Variants in SEMA3A observed in about 807,000 individuals in gnomAD.
SEMA3A encodes the protein semaphorin-3A.
SEMA3A carries 29 observed loss-of-function variants against 97.9 expected under a neutral mutation model. The observed-to-expected ratio is 0.30, with a 90% CI of 0.22 to 0.40. The LOEUF is 0.40. Ranked by LOEUF, SEMA3A falls within the 10% of genes least tolerant of loss-of-function variation. SEMA3A has a pLI of 1.00. For synonymous variants in SEMA3A, 321 were observed against 323.7 expected, an observed-to-expected ratio of 0.99 and a Z score of 0.09; for missense variants, 763 against 951.3, an observed-to-expected ratio of 0.80 and a Z score of 2.60.
chr7:84,081,593 T>C (rs1484612202), intron 4 of SEMA3A, among the ~76,000 whole-genome samples: 2 of 97,242 alleles, frequency 2.1e-5, no homozygotes, highest in Non-Finnish European at 4.8e-5. Flanking sequence ...ACTCCGTCTC[T>C]TAAAAAAAAA....
intron 6 of SEMA3A, among the ~76,000 whole-genome samples, chr7:84,043,567 G>C (rs1792226940): frequency 6.6e-6 from 1 of 152,040 alleles, no homozygotes; most frequent in Non-Finnish European, 1.5e-5. Flanking sequence ...ACGTATGATT[G>C]TATAGTCTAT....
At chr7:84,157,293 A>G (rs1796873342) in intron 1 of SEMA3A, among the ~76,000 whole-genome samples, 1 of 152,084 alleles carries the variant, frequency 6.6e-6, no homozygotes, top group Admixed American at 6.5e-5. Flanking sequence ...GCTTTAAACC[A>G]TTTTTCCATG....
At chr7:84,424,710 A>AAT (rs199573104) in intron 1 of SEMA3A, among the ~76,000 whole-genome samples, 49,717 of 92,404 alleles carry the variant, frequency 0.54, 14,907 homozygotes, top group East Asian at 0.94. Context: ...ATCAATATAT[A>AAT]ATATATAAAT....
At chr7:84,109,796 TATA>T (rs1206193811) in intron 4 of SEMA3A, among the ~76,000 whole-genome samples, 1 of 152,230 alleles carries the variant, frequency 6.6e-6, no homozygotes, top group African/African-American at 2.4e-5. Flanking sequence ...CAAGAGGGTT[TATA>T]ATTGAAGGCT....
chr7:84,401,439 T>C (rs916996560), intron 1 of SEMA3A, among the ~76,000 whole-genome samples: 2 of 150,060 alleles, frequency 1.3e-5, no homozygotes, highest in Admixed American at 6.7e-5. Flanking sequence ...ATGCAGTCTA[T>C]AGATTCAATG....
chr7:84,164,872 G>T (rs994686241), intron 1 of SEMA3A, among the ~76,000 whole-genome samples: 40 of 152,154 alleles, frequency 2.6e-4, no homozygotes, highest in African/African-American at 8.2e-4. Context: ...ATTATATAAA[G>T]AGCTCACCAA....
In SEMA3A at chr7:84,483,765, T is replaced by C. The variant is rs570379290; in HGVS notation, c.-246+8695A>G. On this transcript the variant is annotated intron_variant, in intron 1 of 3. Transcript: ENST00000424555. ...CATACTAATTAAAAAAAAATCTGGGTCAGGCACAATGGCTCACGCCTGTAA... is the reference window on the plus strand; with the variant it reads ...CATACTAATTAAAAAAAAATCTGGGCCAGGCACAATGGCTCACGCCTGTAA... 2.0e-5 allele frequency among the ~76,000 whole-genome samples: 3 copies of C among 151,888 alleles called. No homozygotes were observed. In the South Asian group the frequency reaches 6.2e-4, roughly 32 times the overall value.
chr7:84,296,606 T>A (rs1357662380), intron 3 of SEMA3A, among the ~76,000 whole-genome samples: 5 of 152,150 alleles, frequency 3.3e-5, no homozygotes, highest in African/African-American at 7.2e-5. Context: ...ATTATAAAAC[T>A]GCAATTGATT....
chr7:84,328,623 C>G (rs140382077), intron 2 of SEMA3A, among the ~76,000 whole-genome samples: 2 of 151,964 alleles, frequency 1.3e-5, no homozygotes, highest in African/African-American at 4.8e-5. Flanking sequence ...TTTCGACAAC[C>G]TATGGTAAAT....
intron 1 of SEMA3A, among the ~76,000 whole-genome samples, chr7:84,459,434 A>G (rs1036111810): frequency 6.6e-6 from 1 of 152,222 alleles, no homozygotes; most frequent in Non-Finnish European, 1.5e-5. Context: ...AATTCCCTCT[A>G]AAGAACTTAA....
At chr7:83,994,070 C>T (rs1000476314) in intron 12 of SEMA3A, among the ~76,000 whole-genome samples, 26 of 150,790 alleles carry the variant, frequency 1.7e-4, no homozygotes, top group South Asian at 4.3e-4. Flanking sequence ...TTCATTTCAT[C>T]TTCCATCGCT....
intron 1 of SEMA3A, among the ~76,000 whole-genome samples, chr7:84,462,806 T>TATAG (rs1437403150): frequency 6.6e-6 from 1 of 151,942 alleles, no homozygotes; most frequent in Non-Finnish European, 1.5e-5. Flanking sequence ...TAGCTATAGC[T>TATAG]ATAGATAGAT....
intron 3 of SEMA3A, among the ~76,000 whole-genome samples, chr7:84,296,757 T>G (rs187929156): frequency 5.3e-5 from 8 of 152,288 alleles, no homozygotes; most frequent in African/African-American, 1.7e-4. Flanking sequence ...AATTTCACAT[T>G]GTGAGTAGCA....
At chr7:84,122,287 A>G (rs1394336815) in intron 3 of SEMA3A, among the ~76,000 whole-genome samples, 2 of 152,182 alleles carry the variant, frequency 1.3e-5, no homozygotes, top group African/African-American at 4.8e-5. Flanking sequence ...GACACTTCTC[A>G]AAAGAAGACG....
intron 1 of SEMA3A, among the ~76,000 whole-genome samples, chr7:84,428,182 T>C (rs1218232122): frequency 6.6e-6 from 1 of 152,104 alleles, no homozygotes; most frequent in Non-Finnish European, 1.5e-5. Flanking sequence ...TAGAAATCTG[T>C]AAGCTCATAG....
At chr7:84,170,196 A>T (rs1797341699) in intron 1 of SEMA3A, among the ~76,000 whole-genome samples, 1 of 151,940 alleles carries the variant, frequency 6.6e-6, no homozygotes, top group African/African-American at 2.4e-5. Context: ...ACAATGACTC[A>T]TTATCTTGTA....
chr7:84,204,546 C>T (rs1267383668), intron 3 of SEMA3A, among the ~76,000 whole-genome samples: 1 of 152,012 alleles, frequency 6.6e-6, no homozygotes, highest in African/African-American at 2.4e-5. Context: ...CTCCGAAATG[C>T]CCTTTAGGAG....
At position 84,277,746 on chromosome 7, in the gene SEMA3A, C is replaced by G. The variant is rs10262015; in HGVS notation, c.-83+29461G>C. Reference sequence around the variant, plus strand: ...ATTATGTAAGCAGGGCAATCGGGTCCTAGGCCTGGCTCACAAAAGCATTCT... The same window carrying G: ...ATTATGTAAGCAGGGCAATCGGGTCGTAGGCCTGGCTCACAAAAGCATTCT... On this transcript the variant is annotated intron_variant, in intron 3 of 3. Coordinates refer to the SEMA3A transcript ENST00000424555. 7.8e-4 allele frequency among the ~76,000 whole-genome samples: 118 copies of G among 152,200 alleles called. 1 individual carries two copies. The highest frequency in any genetic ancestry group is 2.7e-3 in the African/African-American group (113 of 41,540).
chr7:84,478,220 T>A (rs1333046497), intron 1 of SEMA3A, among the ~76,000 whole-genome samples: 1 of 152,124 alleles, frequency 6.6e-6, no homozygotes, highest in Non-Finnish European at 1.5e-5. Context: ...ATCAGTCCAT[T>A]AGTATCAAGT....
Sources: gnomAD v4.1 joint callset for allele counts (sites outside exome capture counted in the v4.1 genomes callset) on GRCh38, gnomAD v4.1.1 for gene constraint, MANE v1.5 for transcripts, NCBI Gene and HGNC (gene_info 2026-07-23, HGNC 2026-07-21) for gene names.